Variants in DDAH1 observed in about 807,000 individuals in gnomAD.
The protein encoded by DDAH1 is dimethylarginine dimethylaminohydrolase 1, also known as N(G),N(G)-dimethylarginine dimethylaminohydrolase 1.
Under a neutral mutation model 28.8 loss-of-function variants are expected in DDAH1, and 19 were observed. The ratio of observed to expected loss-of-function variants is 0.66; its 90% CI spans 0.46 to 0.97. DDAH1 has a LOEUF of 0.97. Among genes scored for constraint, DDAH1 ranks in the 50% least tolerant of loss-of-function variants. DDAH1 has a pLI of 0.00. For missense variants in DDAH1, 326 were observed against 375.9 expected (o/e 0.87, Z 1.10); for synonymous variants, 153 against 154.4 (o/e 0.99, Z 0.07).
intron 2 of DDAH1, among the ~76,000 whole-genome samples, chr1:85,487,109 G>T (rs760697825): frequency 1.3e-5 from 2 of 152,210 alleles, no homozygotes; most frequent in Non-Finnish European, 2.9e-5. Flanking sequence ...TCTTGGAAGA[G>T]AAATTAACCC....
intron 1 of DDAH1, among the ~76,000 whole-genome samples, chr1:85,412,002 C>T (rs890325291): frequency 6.6e-6 from 1 of 152,188 alleles, no homozygotes; most frequent in South Asian, 2.1e-4. Context: ...TAAATTATCC[C>T]ACTGATATAG....
chr1:85,499,035 A>G (rs1656700486), intron 1 of DDAH1, among the ~76,000 whole-genome samples: 1 of 152,148 alleles, frequency 6.6e-6, no homozygotes, highest in Admixed American at 6.6e-5. Context: ...ATGGGAGAAA[A>G]TAAATAGCAA....
At chr1:85,540,545 A>G (rs1195633028) in intron 1 of DDAH1, among the ~76,000 whole-genome samples, 7 of 152,206 alleles carry the variant, frequency 4.6e-5, no homozygotes, top group Non-Finnish European at 1.0e-4. Flanking sequence ...CCATTAGAGT[A>G]TGCTTCTTCA....
intron 1 of DDAH1, among the ~76,000 whole-genome samples, chr1:85,363,141 T>A (rs233043): frequency 0.054 from 8,265 of 152,304 alleles, 771 homozygotes; most frequent in African/African-American, 0.19. Flanking sequence ...TTTTCAGTAA[T>A]GCCCCTTTTG....
chr1:85,575,259 A>C (rs942499426), intron 1 of DDAH1, among the ~76,000 whole-genome samples: 16 of 152,150 alleles, frequency 1.1e-4, no homozygotes, highest in African/African-American at 3.9e-4. Flanking sequence ...AAAACAAAAC[A>C]AAACCAACAA....
intron 1 of DDAH1, among the ~76,000 whole-genome samples, chr1:85,544,797 A>G (rs761688087): frequency 3.9e-5 from 6 of 152,096 alleles, no homozygotes; most frequent in Non-Finnish European, 8.8e-5. Flanking sequence ...ACATTGCCAC[A>G]CTATTTACAC....
chr1:85,524,410 C>T lies in DDAH1; in HGVS notation c.-122-28129G>A, dbSNP rs1250894182. On this transcript the variant is annotated intron_variant, in intron 1 of 6. Transcript: ENST00000426972. ...ACTACTTCTGGAGCATTTTGCTTAA[C>T]CCTGGTTGTACAACAGAATAGGCCC... Among the ~76,000 whole-genome samples the T allele has an allele frequency of 2.0e-5, 3 of 150,138 alleles. No homozygotes were observed. The South Asian group carries it at 6.5e-4, about 32-fold the overall frequency.
At position 85,465,054 on chromosome 1, in the gene DDAH1, G is replaced by A; in HGVS notation, c.-9C>T. 3 of 1,289,360 alleles carry A rather than the reference G, an allele frequency of 2.3e-6. No homozygotes were observed. Among genetic ancestry groups the A allele is most frequent in the East Asian group, 3.2e-5 (1 of 31,606 alleles). The allele number at this position is 1,289,360 out of a possible 1,614,324, so 79.9% of individuals were successfully genotyped here. ...TGGCCGAGCCCGGCCATGGCTTCGGGAGGCTTAGGGGCGGCGGCGGCGGCG... is the reference window on the plus strand; with the variant it reads ...TGGCCGAGCCCGGCCATGGCTTCGGAAGGCTTAGGGGCGGCGGCGGCGGCG... On this transcript the variant is annotated 5_prime_UTR_variant, in exon 1 of 6. Transcript: ENST00000284031.
intron 1 of DDAH1, among the ~76,000 whole-genome samples, chr1:85,536,962 TATATATATATATATATATATATAC>T (rs948511727): frequency 4.4e-5 from 3 of 68,168 alleles, no homozygotes; most frequent in African/African-American, 5.1e-5. Flanking sequence ...TATATATATA[TATATATATATATATATATATATAC>T]GTATATACAT....
chr1:85,453,615 C>T (rs1654758835), intron 1 of DDAH1, among the ~76,000 whole-genome samples: 1 of 152,186 alleles, frequency 6.6e-6, no homozygotes, highest in South Asian at 2.1e-4. Context: ...CCTGCAATCC[C>T]AGATTGACCC....
chr1:85,475,595 T>C (rs1655770894), intron 2 of DDAH1, among the ~76,000 whole-genome samples: 1 of 152,246 alleles, frequency 6.6e-6, no homozygotes, highest in African/African-American at 2.4e-5. Context: ...TGACAATGTA[T>C]AGGCATAACT....
intron 1 of DDAH1, chr1:85,379,519 T>A: frequency 6.6e-6 from 6 of 910,926 alleles, no homozygotes; most frequent in Non-Finnish European, 7.9e-6. Context: ...AAAGGCAAAT[T>A]TCAAAAAGCT....
rs1050192476 is a variant in DDAH1, at chr1:85,383,167, C to T, written c.304-24320G>A. Among the ~76,000 whole-genome samples, 4 of 152,244 alleles carry T rather than the reference C, an allele frequency of 2.6e-5. No homozygotes were observed. The East Asian group carries it at 7.7e-4, about 29-fold the overall frequency. On this transcript the variant is annotated intron_variant, in intron 1 of 5. Transcript: ENST00000284031. ...GAATCTGGGCAAAATAAGTGGGAAA[C>T]CTTTTGGAAAGGATTAATCATTCTA...
In DDAH1 at chr1:85,332,350, A is replaced by G. The variant is rs944184409; in HGVS notation, c.598-7467T>C. On this transcript the variant is annotated intron_variant, in intron 4 of 5. Transcript: ENST00000284031. ...ACACTGGGGAGGGTGATCCTGGGAC[A>G]AAGGGAGCTGAAGCATGTGTTTCCC... Among the ~76,000 whole-genome samples the G allele has an allele frequency of 3.9e-5, 6 of 152,166 alleles. 1 individual carries two copies. Among genetic ancestry groups the G allele is most frequent in the Admixed American group, 2.0e-4 (3 of 15,282 alleles).
intron 1 of DDAH1, among the ~76,000 whole-genome samples, chr1:85,448,509 T>G (rs1654534015): frequency 6.6e-6 from 1 of 152,186 alleles, no homozygotes; most frequent in Non-Finnish European, 1.5e-5. Context: ...TGCTCTCCTT[T>G]GGCACAAATA....
rs563518924 is a variant in DDAH1, at chr1:85,478,550, T to C, written c.-7+17616A>G. 4.0e-4 allele frequency among the ~76,000 whole-genome samples: 61 copies of C among 151,732 alleles called. 1 individual carries two copies. The South Asian group carries it at 0.012, about 30-fold the overall frequency. ...AAACCACCAGATCTCATGAGACTTA[T>C]TCACTAACAGAATAGGAAAACCCAC... On this transcript the variant is annotated intron_variant, in intron 2 of 6. Coordinates refer to the DDAH1 transcript ENST00000426972.
intron 1 of DDAH1, among the ~76,000 whole-genome samples, chr1:85,452,757 T>C (rs559817171): frequency 4.7e-4 from 71 of 152,136 alleles, no homozygotes; most frequent in Non-Finnish European, 9.1e-4. Flanking sequence ...CCCATCCCAA[T>C]GATGAAATCA....
intron 1 of DDAH1, among the ~76,000 whole-genome samples, chr1:85,523,220 ACG>A (rs1657751990): frequency 6.6e-6 from 1 of 152,284 alleles, no homozygotes; most frequent in Admixed American, 6.5e-5. Flanking sequence ...AGAGTATGAA[ACG>A]GAAAGTGGAA....
intron 1 of DDAH1, among the ~76,000 whole-genome samples, chr1:85,418,886 A>G (rs1653004759): frequency 6.6e-6 from 1 of 152,164 alleles, no homozygotes; most frequent in Non-Finnish European, 1.5e-5. Context: ...AGGACAGGAG[A>G]AGCCAGTCAT....
Sources: gnomAD v4.1 joint callset for allele counts (sites outside exome capture counted in the v4.1 genomes callset) on GRCh38, gnomAD v4.1.1 for gene constraint, MANE v1.5 for transcripts, NCBI Gene and HGNC (gene_info 2026-07-23, HGNC 2026-07-21) for gene names.